TMEM178B: variants seen among roughly 807,000 people sequenced by gnomAD.
The protein encoded by TMEM178B is transmembrane protein 178B.
TMEM178B carries 5 observed loss-of-function variants against 31.0 expected under a neutral mutation model. The ratio of observed to expected loss-of-function variants is 0.16; its 90% CI spans 0.08 to 0.34. The LOEUF is 0.34. Ranked by LOEUF, TMEM178B falls within the 10% of genes least tolerant of loss-of-function variation. TMEM178B has a pLI of 1.00. For missense variants in TMEM178B, 275 were observed against 400.3 expected (o/e 0.69, Z 2.67); for synonymous variants, 164 against 164.0 (o/e 1.00, Z 0.00).
chr7:141,410,125 C>T (rs573408257), intron 2 of TMEM178B, among the ~76,000 whole-genome samples: 5 of 152,268 alleles, frequency 3.3e-5, no homozygotes, highest in East Asian at 1.9e-4. Context: ...GAAAATTTCC[C>T]GATTTCTCCC....
intron 2 of TMEM178B, among the ~76,000 whole-genome samples, chr7:141,245,731 T>C (rs114268404): frequency 6.6e-6 from 1 of 152,310 alleles, no homozygotes; most frequent in African/African-American, 2.4e-5. Flanking sequence ...GCCTATAGAT[T>C]TTTCAGCGGA....
At chr7:141,155,683 G>A (rs1380207436) in intron 1 of TMEM178B, among the ~76,000 whole-genome samples, 2 of 152,162 alleles carry the variant, frequency 1.3e-5, no homozygotes, top group East Asian at 3.9e-4. Flanking sequence ...CTTCAAGGAG[G>A]TCTCAGTTTC....
chr7:141,489,239 C>A, the TMEM178B span, among the ~76,000 whole-genome samples: 1 of 152,304 alleles, frequency 6.6e-6, no homozygotes, highest in Non-Finnish European at 1.5e-5. Flanking sequence ...TGAAAAGAGG[C>A]CAGACTTTGA....
intron 1 of TMEM178B, among the ~76,000 whole-genome samples, chr7:141,204,794 C>G (rs920700057): frequency 7.9e-5 from 12 of 152,150 alleles, no homozygotes; most frequent in Non-Finnish European, 1.6e-4. Flanking sequence ...GTGCCCTTTG[C>G]TGTGCGAATG....
intron 1 of TMEM178B, among the ~76,000 whole-genome samples, chr7:141,111,258 G>T (rs1795230633): frequency 6.6e-6 from 1 of 152,180 alleles, no homozygotes; most frequent in African/African-American, 2.4e-5. Flanking sequence ...AAAACCATCA[G>T]ATTTCATGGG....
intron 2 of TMEM178B, among the ~76,000 whole-genome samples, chr7:141,289,305 A>G (rs1274297040): frequency 1.3e-5 from 2 of 152,146 alleles, no homozygotes; most frequent in African/African-American, 4.8e-5. Context: ...ACAGTCCACA[A>G]TATGTACCTA....
intron 1 of TMEM178B, among the ~76,000 whole-genome samples, chr7:141,193,729 A>C (rs761919521): frequency 6.6e-6 from 1 of 151,774 alleles, no homozygotes; most frequent in Non-Finnish European, 1.5e-5. Context: ...TCAGGCCCCA[A>C]CTCTGGTGCC....
intron 2 of TMEM178B, among the ~76,000 whole-genome samples, chr7:141,260,973 A>G (rs972213685): frequency 6.6e-6 from 1 of 152,222 alleles, no homozygotes; most frequent in African/African-American, 2.4e-5. Context: ...CTTTATGGTA[A>G]GAAAGCTTTA....
At chr7:141,363,851 C>G (rs1165249870) in intron 2 of TMEM178B, among the ~76,000 whole-genome samples, 3 of 151,454 alleles carry the variant, frequency 2.0e-5, no homozygotes, top group Non-Finnish European at 4.4e-5. Context: ...GATTGCGCCA[C>G]TGCACTTCAG....
intron 3 of TMEM178B, among the ~76,000 whole-genome samples, 190 bp from the exon 4 acceptor site, chr7:141,470,346 A>C (rs937847307): frequency 6.6e-6 from 1 of 152,200 alleles, no homozygotes; most frequent in Non-Finnish European, 1.5e-5. Context: ...ATCCTTTAAT[A>C]CTATTCTCTG....
At chr7:141,217,086 T>G (rs1196432033) in intron 2 of TMEM178B, among the ~76,000 whole-genome samples, 1 of 152,114 alleles carries the variant, frequency 6.6e-6, no homozygotes, top group Non-Finnish European at 1.5e-5. Context: ...TCAGGGGAAG[T>G]GGTGGCATTT....
intron 2 of TMEM178B, among the ~76,000 whole-genome samples, chr7:141,335,898 A>G (rs1218384317): frequency 3.3e-5 from 5 of 152,124 alleles, no homozygotes; most frequent in Non-Finnish European, 2.9e-5. Flanking sequence ...CTCTGGGAAA[A>G]GGAAGCCGGG....
At chr7:141,328,483 T>C (rs1006079422) in intron 2 of TMEM178B, among the ~76,000 whole-genome samples, 3 of 152,154 alleles carry the variant, frequency 2.0e-5, no homozygotes, top group Non-Finnish European at 4.4e-5. Context: ...GCCTAAGAGA[T>C]GAGACAGCTG....
chr7:141,317,736 A>G (rs1799031321), intron 2 of TMEM178B, among the ~76,000 whole-genome samples: 1 of 152,214 alleles, frequency 6.6e-6, no homozygotes. Flanking sequence ...ATTCCAAGAT[A>G]TGATCCAGAG....
intron 2 of TMEM178B, among the ~76,000 whole-genome samples, chr7:141,434,663 G>T (rs886388598): frequency 6.6e-6 from 1 of 152,062 alleles, no homozygotes; most frequent in African/African-American, 2.4e-5. Context: ...CTATTTTGAA[G>T]TACACAATAC....
At chr7:141,156,305 A>G (rs1295122537) in intron 1 of TMEM178B, among the ~76,000 whole-genome samples, 1 of 152,174 alleles carries the variant, frequency 6.6e-6, no homozygotes, top group African/African-American at 2.4e-5. Flanking sequence ...TTCCAGCCCT[A>G]CTATGCCATG....
intron 2 of TMEM178B, among the ~76,000 whole-genome samples, chr7:141,335,458 G>C: frequency 6.6e-6 from 1 of 152,182 alleles, no homozygotes; most frequent in East Asian, 1.9e-4. Context: ...GTGAAGCTGG[G>C]TTTGACCAGA....
At chr7:141,410,799 G>A (rs980319859) in intron 2 of TMEM178B, among the ~76,000 whole-genome samples, 4 of 152,128 alleles carry the variant, frequency 2.6e-5, no homozygotes, top group South Asian at 2.1e-4. Context: ...TTGCCATGAC[G>A]ATCGTATTAA....
At chr7:141,452,883 A>T (rs1801893289) in intron 3 of TMEM178B, among the ~76,000 whole-genome samples, 1 of 152,190 alleles carries the variant, frequency 6.6e-6, no homozygotes, top group African/African-American at 2.4e-5. Flanking sequence ...CCCAGTTATT[A>T]AGAGAATAAA....
Sources: gnomAD v4.1 joint callset for allele counts (sites outside exome capture counted in the v4.1 genomes callset) on GRCh38, gnomAD v4.1.1 for gene constraint, MANE v1.5 for transcripts, NCBI Gene and HGNC (gene_info 2026-07-23, HGNC 2026-07-21) for gene names.